SH3RF3: variants seen among roughly 807,000 people sequenced by gnomAD.
The protein encoded by SH3RF3 is E3 ubiquitin-protein ligase SH3RF3.
A neutral mutation model predicts 66.3 loss-of-function variants in SH3RF3; 29 were observed. The ratio of observed to expected loss-of-function variants is 0.44; its 90% CI spans 0.33 to 0.60. The LOEUF is 0.60. Ranked by LOEUF, SH3RF3 falls within the 20% of genes least tolerant of loss-of-function variation. The pLI is 0.04. For missense variants in SH3RF3, 1,194 were observed against 1,190.9 expected, an observed-to-expected ratio of 1.00 and a Z score of -0.04; for synonymous variants, 583 against 532.0, an observed-to-expected ratio of 1.10 and a Z score of -1.32.
At chr2:109,182,924 G>A (rs574035233) in intron 1 of SH3RF3, among the ~76,000 whole-genome samples, 4 of 151,936 alleles carry the variant, frequency 2.6e-5, no homozygotes, top group African/African-American at 7.2e-5. Flanking sequence ...TAACTTAAAC[G>A]TTTCCCATGA....
intron 1 of SH3RF3, among the ~76,000 whole-genome samples, chr2:109,168,979 G>A (rs928355391): frequency 1.3e-5 from 2 of 152,190 alleles, no homozygotes; most frequent in African/African-American, 2.4e-5. Flanking sequence ...CACCTGTGGT[G>A]TGTGGCCTGG....
intron 1 of SH3RF3, among the ~76,000 whole-genome samples, chr2:109,338,860 G>A (rs549717421): frequency 6.6e-6 from 1 of 152,260 alleles, no homozygotes; most frequent in South Asian, 2.1e-4. Context: ...TGTAACTTTT[G>A]ACTCCCTCAA....
intron 1 of SH3RF3, among the ~76,000 whole-genome samples, chr2:109,306,721 C>A (rs185774970): frequency 1.3e-5 from 2 of 152,234 alleles, no homozygotes; most frequent in Non-Finnish European, 2.9e-5. Flanking sequence ...ATGGCAGAAT[C>A]ACATTTCCTG....
chr2:109,326,854 A>G (rs1037650556), intron 1 of SH3RF3, among the ~76,000 whole-genome samples: 4 of 152,290 alleles, frequency 2.6e-5, no homozygotes, highest in East Asian at 1.9e-4. Context: ...GCGCACAGCC[A>G]CTGGCCCAGT....
In SH3RF3 at chr2:109,161,448, T is replaced by TTCCCCTGTACACCCTCCCTGGAGCATGG. The variant is rs369144116; in HGVS notation, c.573+31337_573+31364dup. Among the ~76,000 whole-genome samples the TTCCCCTGTACACCCTCCCTGGAGCATGG allele has an allele frequency of 3.2e-3, 490 of 152,250 alleles. 3 individuals carry two copies. Among genetic ancestry groups the TTCCCCTGTACACCCTCCCTGGAGCATGG allele is most frequent in the African/African-American group, 0.011 (463 of 41,544 alleles). The stretch of plus-strand genomic sequence containing the variant: ...TGTGATGCTTCCTGATGGTCTGTTC[T>TTCCCCTGTACACCCTCCCTGGAGCATGG]TCCCCTGTACACCCTCCCTGGAGCA... On this transcript the variant is annotated intron_variant, in intron 1 of 9. Transcript: ENST00000309415.
chr2:109,446,239 A>C (rs769605487), intron 7 of SH3RF3, among the ~76,000 whole-genome samples: 2 of 152,144 alleles, frequency 1.3e-5, no homozygotes, highest in Non-Finnish European at 2.9e-5. Context: ...CAGTGGTTCC[A>C]TTCTGTGAAA....
intron 1 of SH3RF3, among the ~76,000 whole-genome samples, chr2:109,175,443 A>G (rs1399964689): frequency 6.6e-6 from 1 of 152,224 alleles, no homozygotes; most frequent in Non-Finnish European, 1.5e-5. Context: ...CTGTGTAACC[A>G]GGAAGCTTCA....
intron 1 of SH3RF3, among the ~76,000 whole-genome samples, chr2:109,162,732 G>A (rs1487842688): frequency 2.6e-5 from 4 of 152,204 alleles, no homozygotes; most frequent in Non-Finnish European, 5.9e-5. Context: ...AATCCTTTGG[G>A]TATATACCCA....
intron 1 of SH3RF3, among the ~76,000 whole-genome samples, chr2:109,321,059 A>C (rs1682014804): frequency 1.3e-5 from 2 of 152,202 alleles, no homozygotes; most frequent in African/African-American, 4.8e-5. Context: ...TAACTTATAG[A>C]CATGTAAGTA....
intron 1 of SH3RF3, among the ~76,000 whole-genome samples, chr2:109,296,109 A>G (rs1285858221): frequency 6.6e-6 from 1 of 152,056 alleles, no homozygotes; most frequent in Non-Finnish European, 1.5e-5. Context: ...TGCTGGGTCC[A>G]TTCACTGTTC....
chr2:109,496,915 A>G (rs1679275179), intron 9 of SH3RF3, among the ~76,000 whole-genome samples: 1 of 152,138 alleles, frequency 6.6e-6, no homozygotes, highest in African/African-American at 2.4e-5. Context: ...GGCAGAGGAG[A>G]AGGTCAGAGT....
chr2:109,181,585 T>C (rs1678076351), intron 1 of SH3RF3, among the ~76,000 whole-genome samples: 1 of 152,200 alleles, frequency 6.6e-6, no homozygotes, highest in Non-Finnish European at 1.5e-5. Context: ...GATTCCTCTT[T>C]ATTAAAAGTT....
intron 1 of SH3RF3, among the ~76,000 whole-genome samples, chr2:109,219,843 C>G: frequency 6.6e-6 from 1 of 152,164 alleles, no homozygotes; most frequent in East Asian, 1.9e-4. Flanking sequence ...TGAGATGACA[C>G]TACTACTCAA....
At chr2:109,318,630 AT>A (rs2105451271) in intron 1 of SH3RF3, among the ~76,000 whole-genome samples, 1 of 152,284 alleles carries the variant, frequency 6.6e-6, no homozygotes, top group African/African-American at 2.4e-5. Flanking sequence ...TGGGGGCAGC[AT>A]TTGTCTCTTG....
At chr2:109,193,839 G>A (rs1357195739) in intron 1 of SH3RF3, among the ~76,000 whole-genome samples, 3 of 152,168 alleles carry the variant, frequency 2.0e-5, no homozygotes, top group Non-Finnish European at 4.4e-5. Flanking sequence ...CCTGATTTAA[G>A]TCTCGTCTAG....
chr2:109,420,715 G>A (rs529578222), intron 5 of SH3RF3, among the ~76,000 whole-genome samples: 2 of 152,138 alleles, frequency 1.3e-5, no homozygotes, highest in Admixed American at 6.5e-5. Context: ...TAAATGCTGG[G>A]ATTACAGGCA....
chr2:109,267,160 C>T (rs554941305), intron 1 of SH3RF3, among the ~76,000 whole-genome samples: 22 of 152,168 alleles, frequency 1.4e-4, no homozygotes, highest in African/African-American at 4.8e-4. Flanking sequence ...GAGTTGCTTC[C>T]GATCGGTGAT....
intron 1 of SH3RF3, among the ~76,000 whole-genome samples, chr2:109,293,943 A>G (rs1248181961): frequency 3.9e-5 from 6 of 152,004 alleles, no homozygotes; most frequent in Non-Finnish European, 5.9e-5. Context: ...GCCCTCCTCT[A>G]TGTTCTCCAA....
chr2:109,490,263 C>T (rs1336060042), intron 8 of SH3RF3, among the ~76,000 whole-genome samples: 2 of 152,206 alleles, frequency 1.3e-5, no homozygotes, highest in African/African-American at 4.8e-5. Context: ...GGCATGCTTA[C>T]TGCTTGACTC....
Sources: gnomAD v4.1 joint callset for allele counts (sites outside exome capture counted in the v4.1 genomes callset) on GRCh38, gnomAD v4.1.1 for gene constraint, MANE v1.5 for transcripts, NCBI Gene and HGNC (gene_info 2026-07-23, HGNC 2026-07-21) for gene names.